The following PALD1 variants were observed in gnomAD, a reference collection of about 807,000 sequenced individuals.
PALD1 encodes the protein phosphatase domain containing paladin 1, also known as paladin.
In PALD1, 57 loss-of-function variants were observed where a neutral mutation model predicts 96.0. The observed-to-expected ratio is 0.59, with a 90% CI of 0.48 to 0.74. The LOEUF is 0.74. Ranked by LOEUF, PALD1 falls within the 30% of genes least tolerant of loss-of-function variation. The probability of loss-of-function intolerance (pLI) is 0.00; values close to 1 mark genes in which losing one functional copy is unlikely to be tolerated. For synonymous variants in PALD1, 464 were observed against 473.6 expected, an observed-to-expected ratio of 0.98 and a Z score of 0.26; for missense variants, 1,063 against 1,143.7, an observed-to-expected ratio of 0.93 and a Z score of 1.02.
chr10:70,530,125 C>A, intron 4 of PALD1, 57 bp downstream of exon 4: 1 of 1,412,804 alleles, frequency 7.1e-7, no homozygotes, highest in Non-Finnish European at 9.5e-7. Flanking sequence ...GAGAGGGGCA[C>A]CTTGGAGGGG....
chr10:70,513,792 C>G (rs1347513547), intron 1 of PALD1, among the ~76,000 whole-genome samples: 1 of 152,210 alleles, frequency 6.6e-6, no homozygotes, highest in Non-Finnish European at 1.5e-5. Flanking sequence ...AATCTGAGAT[C>G]CCATAGACAG....
chr10:70,529,950 G>A lies in PALD1; in HGVS notation c.350G>A (p.Ser117Asn). The part of the protein sequence containing the change: ...EKMDVLGTVG[S>N]CGAPNFRQVQ... The stretch of plus-strand genomic sequence containing the variant: ...ATGGATGTGCTGGGCACCGTGGGAA[G>A]CTGTGGGGCCCCCAACTTCCGGCAG... The change falls in exon 4 of 20, where the codon AGC (serine) becomes AAC (asparagine). Residue 117 changes from serine (S) to asparagine (N), a missense_variant. Ser to Asn is a conservative substitution (Grantham distance 46, BLOSUM62 1). Coordinates refer to ENST00000263563, the MANE Select transcript of PALD1 (RefSeq NM_014431.3). The A allele has an allele frequency of 1.2e-6, 2 of 1,613,816 alleles. No homozygotes were observed. Among genetic ancestry groups the A allele is most frequent in the Non-Finnish European group, 1.7e-6 (2 of 1,179,870 alleles).
chr10:70,532,722 C>A lies in PALD1; in HGVS notation c.735C>A (p.Asp245Glu). 1.2e-6 allele frequency: 2 copies of A among 1,614,198 alleles called. No homozygotes were observed. The highest frequency in any genetic ancestry group is 2.2e-5 in the South Asian group (2 of 91,080). The change falls in exon 6 of 20, where the codon GAC becomes GAA. Residue 245 changes from aspartate to glutamate, a missense_variant. Transcript: ENST00000263563. ...EPHAVAIHGE[D>E]DLHVTEEVYK... ...ATGCTGTGGCCATCCATGGTGAGGA[C>A]GACTTGCATGTGACGGAGGAGGTGT...
At position 70,566,700 on chromosome 10, in the gene PALD1, C is replaced by A; in HGVS notation, c.2538C>A (p.Ser846Arg). 1 of 1,604,992 alleles carries A rather than the reference C, an allele frequency of 6.2e-7. No individual in the cohort carries two copies. The highest frequency in any genetic ancestry group is 8.5e-7 in the Non-Finnish European group (1 of 1,177,286). Reference protein sequence around the residue: ...LRYRWQEQSCSLEPSAPEDLL With the variant: ...LRYRWQEQSCRLEPSAPEDLL ...ACCGGTGGCAGGAGCAGAGCTGCAG[C>A]CTCGAGCCCTCTGCCCCCGAGGACT... Residue 846 changes from serine to arginine, a missense_variant, in exon 20 of 20, where the codon AGC (serine) becomes AGA (arginine). Transcript: ENST00000263563.
intron 1 of PALD1, among the ~76,000 whole-genome samples, chr10:70,504,545 C>A (rs1028187907): frequency 1.3e-5 from 2 of 152,082 alleles, no homozygotes; most frequent in Non-Finnish European, 2.9e-5. Context: ...AACAAAAACA[C>A]GTATTTATAA....
At chr10:70,498,799 G>A (rs185407614) in intron 1 of PALD1, among the ~76,000 whole-genome samples, 151 of 152,066 alleles carry the variant, frequency 9.9e-4, no homozygotes, top group African/African-American at 2.5e-3. Context: ...GTGGTAGCGC[G>A]TGCCTGTAAA....
At chr10:70,460,573 C>T in the PALD1 span, among the ~76,000 whole-genome samples, 1 of 152,188 alleles carries the variant, frequency 6.6e-6, no homozygotes, top group Non-Finnish European at 1.5e-5. Context: ...CTCTAGAATC[C>T]ACCTGCTCCT....
chr10:70,523,782 T>C (rs1846793440), intron 1 of PALD1, among the ~76,000 whole-genome samples: 1 of 151,864 alleles, frequency 6.6e-6, no homozygotes, highest in African/African-American at 2.4e-5. Flanking sequence ...GGAGGATCTT[T>C]CCAGACTGGA....
At position 70,534,058 on chromosome 10, in the gene PALD1, C is replaced by G. The variant is rs748494938; in HGVS notation, c.1007C>G (p.Thr336Ser). The change falls in exon 8 of 20, where the codon ACC becomes AGC. Residue 336 changes from threonine to serine, a missense_variant. Transcript: ENST00000263563. ...CTCATCCTGCTTCACCGCAGTGGGA[C>G]CACCTCCCAGCCAGAGTGAGTGGCC... ...GTLILLHRSG[T>S]TSQPEAAPTQ... 1.2e-6 allele frequency: 2 copies of G among 1,605,270 alleles called. No homozygotes were observed. Among genetic ancestry groups the G allele is most frequent in the Non-Finnish European group, 8.5e-7 (1 of 1,174,950 alleles).
intron 1 of PALD1, among the ~76,000 whole-genome samples, chr10:70,524,952 A>C (rs1003801570): frequency 6.6e-6 from 1 of 152,130 alleles, no homozygotes; most frequent in Non-Finnish European, 1.5e-5. Context: ...GGCGTTCTTC[A>C]AGTGGGGTGG....
intron 1 of PALD1, among the ~76,000 whole-genome samples, chr10:70,509,669 G>A (rs113002286): frequency 1.1e-4 from 16 of 152,314 alleles, no homozygotes; most frequent in Admixed American, 2.6e-4. Context: ...GTGGCCTGGC[G>A]TGCCTGGTTG....
chr10:70,500,788 G>T (rs138361618), intron 1 of PALD1, among the ~76,000 whole-genome samples: 5 of 152,228 alleles, frequency 3.3e-5, no homozygotes, highest in African/African-American at 9.6e-5. Flanking sequence ...GCTCTGGTCC[G>T]TGTGGAGTTG....
intron 1 of PALD1, among the ~76,000 whole-genome samples, chr10:70,510,137 G>A (rs1846483323): frequency 6.6e-6 from 1 of 152,182 alleles, no homozygotes; most frequent in Admixed American, 6.5e-5. Flanking sequence ...GGGTACTTGA[G>A]TGCTGGGCAA....
chr10:70,527,369 A>G (rs1190923573), intron 2 of PALD1, among the ~76,000 whole-genome samples: 1 of 152,172 alleles, frequency 6.6e-6, no homozygotes, highest in African/African-American at 2.4e-5. Flanking sequence ...GGGGTGTAGA[A>G]TGTTTGAAGT....
At chr10:70,522,083 G>A (rs1361788462) in intron 1 of PALD1, among the ~76,000 whole-genome samples, 1 of 152,176 alleles carries the variant, frequency 6.6e-6, no homozygotes, top group Non-Finnish European at 1.5e-5. Flanking sequence ...CTTTTGAAGA[G>A]ACTCATCAGT....
At chr10:70,558,411 C>T (rs1050095154) in intron 18 of PALD1, among the ~76,000 whole-genome samples, 4 of 152,174 alleles carry the variant, frequency 2.6e-5, no homozygotes, top group African/African-American at 9.7e-5. Context: ...ATGCAAGGTG[C>T]ACATGTTTGT....
chr10:70,470,080 C>A, the PALD1 span, among the ~76,000 whole-genome samples: 2 of 152,208 alleles, frequency 1.3e-5, no homozygotes, highest in African/African-American at 4.8e-5. Flanking sequence ...AGGCATGAAC[C>A]ATTATGCCCG....
At chr10:70,459,012 T>C in the PALD1 span, among the ~76,000 whole-genome samples, 1 of 152,226 alleles carries the variant, frequency 6.6e-6, no homozygotes, top group Non-Finnish European at 1.5e-5. Context: ...CTGCTGTTCC[T>C]GGGCTCAGGG....
At position 70,520,987 on chromosome 10, in the gene PALD1, C is replaced by T. The variant is rs566464039; in HGVS notation, c.-29-4936C>T. Among the ~76,000 whole-genome samples the T allele has an allele frequency of 2.6e-5, 4 of 152,288 alleles. No homozygotes were observed. In the East Asian group the frequency reaches 5.8e-4, roughly 22 times the overall value. On this transcript the variant is annotated intron_variant, in intron 1 of 19. Transcript: ENST00000263563. The stretch of plus-strand genomic sequence containing the variant: ...GATTACAGGCGTGAGCCACCGCGCC[C>T]GGCCAGTTTCTTTTCTGACTGCCAT...
Sources: allele counts gnomAD v4.1 joint callset (sites outside exome capture counted in the v4.1 genomes callset), GRCh38; gene constraint gnomAD v4.1.1; transcripts MANE v1.5; gene names NCBI Gene and HGNC (gene_info 2026-07-23, HGNC 2026-07-21).